The following RCL1 variants were observed in gnomAD, a reference collection of about 807,000 sequenced individuals.
The protein encoded by RCL1 is RNA 3'-terminal phosphate cyclase-like protein.
RCL1 carries 24 observed loss-of-function variants against 42.4 expected under a neutral mutation model. That is an observed-to-expected ratio of 0.57 (90% confidence interval 0.41 to 0.80). RCL1 has a LOEUF of 0.80. RCL1 is among the 30% of genes least tolerant of loss of function. The pLI is 0.00. For missense variants in RCL1, 578 were observed against 467.9 expected (o/e 1.24, Z -2.17); for synonymous variants, 228 against 177.3 (o/e 1.29, Z -2.27).
intron 6 of RCL1, among the ~76,000 whole-genome samples, chr9:4,843,749 C>T (rs1457496663): frequency 6.6e-6 from 1 of 152,132 alleles, no homozygotes; most frequent in East Asian, 1.9e-4. Context: ...CTTTCTCTCC[C>T]CTTCATCTTC....
intron 1 of RCL1, among the ~76,000 whole-genome samples, chr9:4,800,173 C>T (rs540995466): frequency 1.7e-3 from 258 of 151,452 alleles, no homozygotes; most frequent in Admixed American, 2.0e-3. Flanking sequence ...TTGGCTATCT[C>T]GAATAAGGCT....
At chr9:4,831,823 T>C (rs577862724) in intron 3 of RCL1, among the ~76,000 whole-genome samples, 2 of 152,378 alleles carry the variant, frequency 1.3e-5, no homozygotes, top group African/African-American at 4.8e-5. Context: ...CAATATTTAG[T>C]TGGGGCTTCT....
chr9:4,835,376 GT>G (rs1817087730), intron 5 of RCL1, among the ~76,000 whole-genome samples: 1 of 152,208 alleles, frequency 6.6e-6, no homozygotes, highest in Non-Finnish European at 1.5e-5. Flanking sequence ...TAGCATTGGG[GT>G]GGGGGAAAAG....
chr9:4,803,497 T>G (rs1424185370), intron 1 of RCL1, among the ~76,000 whole-genome samples: 1 of 152,138 alleles, frequency 6.6e-6, no homozygotes, highest in Non-Finnish European at 1.5e-5. Context: ...ATCCACAACT[T>G]CCAGTCACCT....
At chr9:4,821,509 A>C (rs1816595904) in intron 1 of RCL1, among the ~76,000 whole-genome samples, 1 of 152,256 alleles carries the variant, frequency 6.6e-6, no homozygotes, top group African/African-American at 2.4e-5. Flanking sequence ...AAAGAAATTT[A>C]TCACAGTTCT....
intron 5 of RCL1, among the ~76,000 whole-genome samples, chr9:4,838,625 A>G (rs2129653813): frequency 6.6e-6 from 1 of 152,314 alleles, no homozygotes; most frequent in South Asian, 2.1e-4. Context: ...CTGACATGGA[A>G]CATTGGGGAA....
chr9:4,813,931 C>T (rs1052552925), intron 1 of RCL1, among the ~76,000 whole-genome samples: 3 of 152,038 alleles, frequency 2.0e-5, no homozygotes, highest in Non-Finnish European at 2.9e-5. Flanking sequence ...AGCAAACTGT[C>T]GCAAGGACAG....
intron 1 of RCL1, among the ~76,000 whole-genome samples, chr9:4,806,042 G>GTT (rs1554636260): frequency 2.4e-3 from 243 of 99,394 alleles, no homozygotes; most frequent in Admixed American, 8.2e-3. Context: ...GTGTGTGTGT[G>GTT]TGTTTGTGTG....
chr9:4,849,307 T>G, intron 7 of RCL1, 140 bp from the exon 8 acceptor site: 1 of 638,822 alleles, frequency 1.6e-6, no homozygotes, highest in African/African-American at 1.8e-5. Flanking sequence ...ATTACTCTTA[T>G]AAGACCTGTA....
intron 1 of RCL1, among the ~76,000 whole-genome samples, chr9:4,821,779 G>C (rs1283249155): frequency 6.6e-6 from 1 of 152,100 alleles, no homozygotes. Context: ...GGCACCCCTG[G>C]CTGGACTCAT....
At chr9:4,850,256 G>A in intron 8 of RCL1, 1 of 524,000 alleles carries the variant, frequency 1.9e-6, no homozygotes, top group Non-Finnish European at 4.0e-6. Flanking sequence ...TGAGGTTGGT[G>A]AGCTGGGTGG....
chr9:4,827,391 G>A (rs1587713367), intron 3 of RCL1: 3 of 693,540 alleles, frequency 4.3e-6, no homozygotes, highest in Middle Eastern at 4.3e-4. Context: ...GAGGGCAGCT[G>A]ACCAAAATTT....
At chr9:4,837,588 A>C (rs1213336526) in intron 5 of RCL1, among the ~76,000 whole-genome samples, 1 of 152,230 alleles carries the variant, frequency 6.6e-6, no homozygotes, top group Non-Finnish European at 1.5e-5. Flanking sequence ...TTGTCATAAC[A>C]ACATGGGTTT....
chr9:4,845,951 C>A lies in RCL1; in HGVS notation c.867+1270C>A, dbSNP rs373039969. The stretch of plus-strand genomic sequence containing the variant: ...TCGTTTATGGTAGCAAAAATCACAT[C>A]TGAGCCAAGTTAAATAAAATCAGTA... On this transcript the variant is annotated intron_variant, in intron 7 of 8. Coordinates refer to ENST00000381750, the MANE Select transcript of RCL1 (RefSeq NM_005772.5). Among the ~76,000 whole-genome samples the A allele has an allele frequency of 5.3e-5, 8 of 152,222 alleles. No homozygotes were observed. In the East Asian group the frequency reaches 7.7e-4, roughly 15 times the overall value.
At chr9:4,837,104 C>A (rs1817165248) in intron 5 of RCL1, among the ~76,000 whole-genome samples, 1 of 152,096 alleles carries the variant, frequency 6.6e-6, no homozygotes, top group Non-Finnish European at 1.5e-5. Context: ...ATCCGAGGAG[C>A]TGGAATAAGG....
intron 3 of RCL1, among the ~76,000 whole-genome samples, chr9:4,832,432 G>A (rs754526772): frequency 3.3e-5 from 5 of 152,104 alleles, no homozygotes; most frequent in South Asian, 2.1e-4. Context: ...GAATGCTACC[G>A]GCTCTAAACA....
chr9:4,837,965 C>G (rs999973876), intron 5 of RCL1, among the ~76,000 whole-genome samples: 7 of 152,220 alleles, frequency 4.6e-5, no homozygotes, highest in African/African-American at 9.7e-5. Context: ...GTTAACCAAA[C>G]ATTTCAGCCA....
In RCL1 at chr9:4,860,461, G is replaced by C; in HGVS notation, c.*186G>C. The C allele has an allele frequency of 1.5e-6, 1 of 655,006 alleles. No homozygotes were observed. Among genetic ancestry groups the C allele is most frequent in the Non-Finnish European group, 2.4e-6 (1 of 420,852 alleles). The allele number at this position is 655,006 out of a possible 1,614,324, so 40.6% of individuals were successfully genotyped here. ...CATATGGTTTCCAGCTGTTTCTCCA[G>C]TGGCATTGCCATTGCCCAGGAGGGG... On this transcript the variant is annotated 3_prime_UTR_variant, in exon 9 of 9. Coordinates refer to ENST00000381750, the MANE Select transcript of RCL1 (RefSeq NM_005772.5).
chr9:4,793,755 T>C (rs1842870795), intron 1 of RCL1, among the ~76,000 whole-genome samples: 1 of 152,084 alleles, frequency 6.6e-6, no homozygotes, highest in Non-Finnish European at 1.5e-5. Context: ...TGTCCTTGGG[T>C]GTGGATAAAG....
Sources: gnomAD v4.1 joint callset for allele counts (sites outside exome capture counted in the v4.1 genomes callset) on GRCh38, gnomAD v4.1.1 for gene constraint, MANE v1.5 for transcripts, NCBI Gene and HGNC (gene_info 2026-07-23, HGNC 2026-07-21) for gene names.